The following CNTLN variants were observed in gnomAD, a reference collection of about 807,000 sequenced individuals.
CNTLN encodes centlein, centrosomal protein.
Under a neutral mutation model 180.0 loss-of-function variants are expected in CNTLN, and 212 were observed. The observed-to-expected ratio is 1.18, with a 90% CI of 1.05 to 1.32. The LOEUF (loss-of-function observed/expected upper bound fraction) is 1.32, where lower values mean the gene tolerates loss of function less well. CNTLN is among the 40% of genes most tolerant of loss of function. CNTLN has a pLI of 0.00. For synonymous variants in CNTLN, 722 were observed against 563.1 expected (o/e 1.28, Z -3.99); for missense variants, 2,095 against 1,610.9 (o/e 1.30, Z -5.14).
At chr9:17,290,083 C>G (rs1224267447) in intron 6 of CNTLN, among the ~76,000 whole-genome samples, 1 of 152,178 alleles carries the variant, frequency 6.6e-6, no homozygotes, top group Non-Finnish European at 1.5e-5. Context: ...AGGAGAGGCG[C>G]TCTGCATTTA....
chr9:17,232,434 T>G (rs991549782), intron 3 of CNTLN, among the ~76,000 whole-genome samples: 2 of 151,970 alleles, frequency 1.3e-5, no homozygotes, highest in Non-Finnish European at 2.9e-5. Context: ...AATTATTAAA[T>G]AATTCTCATG....
chr9:17,267,645 G>A (rs1227647029), intron 5 of CNTLN, among the ~76,000 whole-genome samples: 5 of 152,060 alleles, frequency 3.3e-5, no homozygotes, highest in Non-Finnish European at 7.4e-5. Flanking sequence ...TTCCAACTTG[G>A]TTCCATTCTC....
At chr9:17,449,314 C>A (rs1830650192) in intron 18 of CNTLN, among the ~76,000 whole-genome samples, 1 of 138,612 alleles carries the variant, frequency 7.2e-6, no homozygotes, top group Non-Finnish European at 1.5e-5. Context: ...GTTCCCCTTT[C>A]TGTGTCCATG....
intron 6 of CNTLN, among the ~76,000 whole-genome samples, chr9:17,276,118 C>T (rs954774573): frequency 2.0e-5 from 3 of 152,024 alleles, no homozygotes; most frequent in African/African-American, 7.2e-5. Flanking sequence ...CACATATACC[C>T]CCTGTATCTA....
At chr9:17,291,012 T>C (rs1393941951) in intron 6 of CNTLN, among the ~76,000 whole-genome samples, 1 of 152,156 alleles carries the variant, frequency 6.6e-6, no homozygotes, top group Non-Finnish European at 1.5e-5. Context: ...GCTGTTCCTA[T>C]TCGGCCATCT....
At chr9:17,275,333 G>T (rs978715401) in intron 6 of CNTLN, among the ~76,000 whole-genome samples, 1 of 151,978 alleles carries the variant, frequency 6.6e-6, no homozygotes, top group Non-Finnish European at 1.5e-5. Flanking sequence ...TTTATTATCT[G>T]GAGAATCTCA....
rs1393853555 is a variant in CNTLN, at chr9:17,498,307, GTCA to G, written c.4120-4239_4120-4237del. 1.2e-4 allele frequency among the ~76,000 whole-genome samples: 18 copies of G among 152,220 alleles called. No homozygotes were observed. In the South Asian group the frequency reaches 3.7e-3, roughly 32 times the overall value. ...CTAAGATAGTTCTCAAGCATCTGCAGTCATCATTTATATCATTTATATGTCACC... is the reference window on the plus strand; with the variant it reads ...CTAAGATAGTTCTCAAGCATCTGCAGTCATTTATATCATTTATATGTCACC... On this transcript the variant is annotated intron_variant, in intron 25 of 25. Coordinates refer to ENST00000380647, the MANE Select transcript of CNTLN (RefSeq NM_017738.4).
chr9:17,505,559 C>G (rs771177761), downstream of CNTLN, among the ~76,000 whole-genome samples: 14 of 152,084 alleles, frequency 9.2e-5, no homozygotes, highest in East Asian at 5.8e-4. Flanking sequence ...AAGAGAAATA[C>G]TTAGGTATAA....
At chr9:17,523,175 T>C in the CNTLN span, among the ~76,000 whole-genome samples, 1 of 152,166 alleles carries the variant, frequency 6.6e-6, no homozygotes, top group East Asian at 1.9e-4. Flanking sequence ...AAAAGCCTTA[T>C]AACCATAATA....
chr9:17,244,037 G>A (rs1363978541), intron 5 of CNTLN, among the ~76,000 whole-genome samples: 1 of 151,946 alleles, frequency 6.6e-6, no homozygotes, highest in African/African-American at 2.4e-5. Flanking sequence ...TTGCTGAATT[G>A]ACCTCTTTAT....
In CNTLN at chr9:17,166,962, T is replaced by A. The variant is rs937903167; in HGVS notation, c.449+23586T>A. On this transcript the variant is annotated intron_variant, in intron 2 of 25. Transcript: ENST00000380647. ...ATGAAAGAAGATTGAGAAGACTTGG[T>A]AGCAGTAGTTCTCAATGAAGCAGGA... 1.2e-5 allele frequency: 5 copies of A among 431,846 alleles called. No individual in the cohort carries two copies. The Admixed American group carries it at 1.2e-4, about 10-fold the overall frequency. The allele number at this position is 431,846 out of a possible 1,614,324, so 26.8% of individuals were successfully genotyped here. A position where few individuals can be genotyped will look rare whatever the true frequency, so the allele number is the denominator to read the frequency against.
rs1395855073 is a variant in CNTLN at position 17,415,762 on chromosome 9, C to T, written c.2797-26C>T. The T allele has an allele frequency of 3.8e-6, 5 of 1,326,004 alleles. No homozygotes were observed. In the South Asian group the frequency reaches 6.0e-5, roughly 16 times the overall value. The allele number at this position is 1,326,004 out of a possible 1,614,324, so 82.1% of individuals were successfully genotyped here. ...TGATGTTGTTATTGAAGAATAATAC[C>T]ATTTTTATGAAATCTTCAAATTTAG... On this transcript the variant is annotated intron_variant, in intron 16 of 25. Transcript: ENST00000380647.
intron 2 of CNTLN, among the ~76,000 whole-genome samples, chr9:17,193,641 G>T (rs1306126397): frequency 6.6e-6 from 1 of 152,108 alleles, no homozygotes. Context: ...TGCCTTCACG[G>T]GCTGGCATCG....
At chr9:17,478,273 C>T (rs1483187728) in intron 23 of CNTLN, among the ~76,000 whole-genome samples, 1 of 152,138 alleles carries the variant, frequency 6.6e-6, no homozygotes, top group African/African-American at 2.4e-5. Flanking sequence ...TGAAATGGAA[C>T]CCATGATATG....
chr9:17,324,647 T>TAATTGTCATCTACTGGATGTATGTATAA (rs1820142940), intron 8 of CNTLN, among the ~76,000 whole-genome samples: 1 of 152,024 alleles, frequency 6.6e-6, no homozygotes, highest in Admixed American at 6.5e-5. Flanking sequence ...TGTATGTATA[T>TAATTGTCATCTACTGGATGTATGTATAA]ACCCATAATT....
At chr9:17,367,724 C>G (rs921064761) in intron 13 of CNTLN, among the ~76,000 whole-genome samples, 2 of 152,142 alleles carry the variant, frequency 1.3e-5, no homozygotes, top group Admixed American at 6.5e-5. Flanking sequence ...TCCTGGATGA[C>G]ATTTCTAGAC....
chr9:17,192,405 A>C (rs947496332), intron 2 of CNTLN, among the ~76,000 whole-genome samples: 1 of 151,946 alleles, frequency 6.6e-6, no homozygotes, highest in East Asian at 1.9e-4. Flanking sequence ...TGCCCGGCTA[A>C]TTTTTGTATT....
At chr9:17,510,223 A>G in the CNTLN span, among the ~76,000 whole-genome samples, 2 of 152,166 alleles carry the variant, frequency 1.3e-5, no homozygotes, top group African/African-American at 4.8e-5. Context: ...GTGAGGGGAA[A>G]GGGAATAGGG....
chr9:17,366,489 A>G, intron 12 of CNTLN, 128 bp from the exon 13 acceptor site: 2 of 443,382 alleles, frequency 4.5e-6, no homozygotes, highest in East Asian at 4.4e-5. Flanking sequence ...ACTCTTCTCC[A>G]TTTTATATAC....
Sources: allele counts gnomAD v4.1 joint callset (sites outside exome capture counted in the v4.1 genomes callset), GRCh38; gene constraint gnomAD v4.1.1; transcripts MANE v1.5; gene names NCBI Gene and HGNC (gene_info 2026-07-23, HGNC 2026-07-21).